Variants in MLLT10 observed in about 807,000 individuals in gnomAD.
MLLT10 encodes protein AF-10.
A neutral mutation model predicts 129.1 loss-of-function variants in MLLT10; 30 were observed. The observed-to-expected ratio is 0.23, with a 90% confidence interval of 0.17 to 0.32. The LOEUF (loss-of-function observed/expected upper bound fraction) is 0.32, where lower values mean the gene tolerates loss of function less well. MLLT10 is among the 10% of genes least tolerant of loss of function. The pLI is 1.00. For missense variants in MLLT10, 1,119 were observed against 1,268.3 expected, an observed-to-expected ratio of 0.88 and a Z score of 1.79; for synonymous variants, 490 against 446.4, an observed-to-expected ratio of 1.10 and a Z score of -1.23.
intron 9 of MLLT10, among the ~76,000 whole-genome samples, chr10:21,658,909 G>A (rs1445715228): frequency 2.0e-5 from 3 of 151,988 alleles, no homozygotes; most frequent in Admixed American, 6.6e-5. Flanking sequence ...CTCGTGATCC[G>A]CCCTCCTAGG....
At chr10:21,546,943 G>A (rs770107512) in intron 3 of MLLT10, among the ~76,000 whole-genome samples, 9 of 151,784 alleles carry the variant, frequency 5.9e-5, no homozygotes, top group East Asian at 1.9e-4. Flanking sequence ...GGCTGGTCTC[G>A]AACTCCCGAC....
At chr10:21,677,142 C>T (rs1564630936) in intron 11 of MLLT10, among the ~76,000 whole-genome samples, 2 of 152,216 alleles carry the variant, frequency 1.3e-5, no homozygotes, top group African/African-American at 4.8e-5. Flanking sequence ...GACAGCTCAA[C>T]AGATGTTTGC....
At chr10:21,564,811 C>T (rs1319417205) in intron 3 of MLLT10, among the ~76,000 whole-genome samples, 1 of 141,064 alleles carries the variant, frequency 7.1e-6, no homozygotes, top group African/African-American at 2.7e-5. Flanking sequence ...GCAACAAGAG[C>T]GAAACTCCAT....
At chr10:21,627,373 C>T (rs2046561060) in intron 8 of MLLT10, among the ~76,000 whole-genome samples, 1 of 152,136 alleles carries the variant, frequency 6.6e-6, no homozygotes, top group Non-Finnish European at 1.5e-5. Flanking sequence ...AATATTGTTA[C>T]AGATTATTAT....
At chr10:21,610,612 C>A (rs1326983906) in intron 5 of MLLT10, among the ~76,000 whole-genome samples, 5 of 151,432 alleles carry the variant, frequency 3.3e-5, no homozygotes, top group African/African-American at 1.2e-4. Context: ...ATGTTTCACC[C>A]CCCTTCTTTT....
At chr10:21,682,613 G>A (rs773288799) in intron 13 of MLLT10, among the ~76,000 whole-genome samples, 1 of 152,118 alleles carries the variant, frequency 6.6e-6, no homozygotes, top group Non-Finnish European at 1.5e-5. Context: ...CTTGGAATGT[G>A]AATTTTATTT....
intron 9 of MLLT10, among the ~76,000 whole-genome samples, chr10:21,665,301 TGGGG>T (rs60935994): frequency 8.9e-6 from 1 of 112,960 alleles, no homozygotes; most frequent in South Asian, 3.2e-4. Context: ...TTGTTTTTTT[TGGGG>T]GGGGGGGGGT....
chr10:21,555,367 C>T (rs1006477625), intron 3 of MLLT10, among the ~76,000 whole-genome samples: 2 of 151,960 alleles, frequency 1.3e-5, no homozygotes, highest in Non-Finnish European at 2.9e-5. Context: ...GGATTACAGG[C>T]GCCTGCCACC....
chr10:21,597,859 CT>C (rs1333869485), intron 5 of MLLT10, among the ~76,000 whole-genome samples: 1 of 151,962 alleles, frequency 6.6e-6, no homozygotes, highest in Non-Finnish European at 1.5e-5. Context: ...ATTCTGTGTT[CT>C]TTTTTTTGCA....
In MLLT10 at chr10:21,742,968, A is replaced by G. The variant is rs1036096882; in HGVS notation, c.*985A>G. The stretch of plus-strand genomic sequence containing the variant: ...TTTATCCACTAATGAGTCACAAGAA[A>G]AGGAGTGGATTTGGTAAGAATAGAG... On this transcript the variant is annotated 3_prime_UTR_variant, in exon 23 of 23. Transcript: ENST00000307729. 1.3e-5 allele frequency: 3 copies of G among 229,344 alleles called. No homozygotes were observed. The highest frequency in any genetic ancestry group is 6.6e-5 in the African/African-American group (3 of 45,126). The allele number at this position is 229,344 out of a possible 1,614,324, so 14.2% of individuals were successfully genotyped here. A position where few individuals can be genotyped will look rare whatever the true frequency, so the allele number is the denominator to read the frequency against.
intron 5 of MLLT10, among the ~76,000 whole-genome samples, chr10:21,605,086 TA>T (rs55928488): frequency 0.043 from 5,977 of 138,656 alleles, 162 homozygotes; most frequent in African/African-American, 0.088. Flanking sequence ...CCCATCTCTT[TA>T]AAAAAAAAAA....
At chr10:21,657,696 G>T (rs1304774849) in intron 9 of MLLT10, among the ~76,000 whole-genome samples, 1 of 152,020 alleles carries the variant, frequency 6.6e-6, no homozygotes, top group African/African-American at 2.4e-5. Flanking sequence ...TTTAAGGAAG[G>T]TTTTCGTGCA....
intron 4 of MLLT10, among the ~76,000 whole-genome samples, chr10:21,586,963 T>C (rs1217383778): frequency 1.3e-5 from 2 of 151,870 alleles, no homozygotes; most frequent in African/African-American, 4.8e-5. Flanking sequence ...ATGAGCCACA[T>C]TTTTTTGTTG....
Position 21,735,222 on chromosome 10 carries a change from A to T in MLLT10, c.2942A>T (p.Gln981Leu). The T allele has an allele frequency of 6.2e-7, 1 of 1,612,618 alleles. No individual in the cohort carries two copies. Among genetic ancestry groups the T allele is most frequent in the East Asian group, 2.2e-5 (1 of 44,870 alleles). The change falls in exon 21 of 23, where the codon CAA becomes CTA. Residue 981 changes from glutamine to leucine, a missense_variant. By Grantham distance (113) the Gln-to-Leu change is moderately radical. Around this residue, in one of 5 missense-constraint regions of MLLT10, gnomAD observed 1,004 missense variants for 1,008.7 expected, o/e 1.00. Coordinates refer to ENST00000307729, the MANE Select transcript of MLLT10 (RefSeq NM_001195626.3). ...CAGTTTCAGCAGTTGTTAAATTCTC[A>T]ACAGCTCACACCAGTAAGTTCTTTC... ...QQQFQQLLNS[Q>L]QLTPEQHQAF...
intron 5 of MLLT10, among the ~76,000 whole-genome samples, chr10:21,599,742 T>C (rs1399661575): frequency 1.3e-5 from 2 of 151,954 alleles, no homozygotes; most frequent in African/African-American, 4.8e-5. Flanking sequence ...TTTTTTGTAT[T>C]TTTTTTGTAG....
intron 11 of MLLT10, among the ~76,000 whole-genome samples, chr10:21,675,140 G>A (rs2051952896): frequency 6.6e-6 from 1 of 152,154 alleles, no homozygotes; most frequent in South Asian, 2.1e-4. Flanking sequence ...TTTACAGCTG[G>A]TAACACTGAG....
At chr10:21,738,638 A>G (rs2058580029) in intron 21 of MLLT10, 4 of 895,400 alleles carry the variant, frequency 4.5e-6, no homozygotes, top group Non-Finnish European at 5.3e-6. Flanking sequence ...GATGACTTGC[A>G]TGTTTGCTAA....
chr10:21,551,289 CTTTTTTTT>C (rs11461905), intron 3 of MLLT10, among the ~76,000 whole-genome samples: 7 of 91,960 alleles, frequency 7.6e-5, no homozygotes, highest in Non-Finnish European at 1.4e-4. Context: ...CGGATTGTAC[CTTTTTTTT>C]TTTTTTTTTT....
chr10:21,732,799 G>C, intron 17 of MLLT10, 100 bp from the exon 18 acceptor site: 1 of 939,804 alleles, frequency 1.1e-6, no homozygotes, highest in Non-Finnish European at 1.5e-6. Context: ...AATTTCTACT[G>C]TTCTATTTTA....
Sources: gnomAD v4.1 joint callset for allele counts (sites outside exome capture counted in the v4.1 genomes callset) on GRCh38, gnomAD v4.1.1 for gene constraint, gnomAD v4.1.1 regional missense constraint, MANE v1.5 for transcripts, NCBI Gene and HGNC (gene_info 2026-07-23, HGNC 2026-07-21) for gene names.